Variants in NOS1AP observed in about 807,000 individuals in gnomAD.
The protein encoded by NOS1AP is nitric oxide synthase 1 adaptor protein.
A neutral mutation model predicts 56.2 loss-of-function variants in NOS1AP; 21 were observed. That is an observed-to-expected ratio of 0.37 (90% CI 0.26 to 0.54). The LOEUF is 0.54. NOS1AP is among the 20% of genes least tolerant of loss of function. NOS1AP has a pLI of 0.84. For missense variants in NOS1AP, 522 were observed against 657.8 expected (o/e 0.79, Z 2.26); for synonymous variants, 270 against 274.6 (o/e 0.98, Z 0.17).
chr1:162,363,912 C>T (rs944808835), intron 8 of NOS1AP: 18 of 985,326 alleles, frequency 1.8e-5, no homozygotes, highest in Admixed American at 1.2e-4. Context: ...GGCATTATGC[C>T]CCTGTGGCTC....
At chr1:162,294,538 A>G (rs189526802) in intron 3 of NOS1AP, among the ~76,000 whole-genome samples, 5 of 152,250 alleles carry the variant, frequency 3.3e-5, no homozygotes, top group Admixed American at 2.0e-4. Context: ...CACTCCAGAA[A>G]ATGTTTACTA....
rs957277520 is a variant in NOS1AP at position 162,130,721 on chromosome 1, C to A, written c.106-23684C>A. ...TTTTAAAACTTGACTCTGCAGTCAG[C>A]CAGGCAGATGACACATCAGTTTTAT... is the stretch of plus-strand genomic sequence containing the variant. On this transcript the variant is annotated intron_variant, in intron 1 of 9. Transcript: ENST00000361897. Among the ~76,000 whole-genome samples the A allele has an allele frequency of 2.0e-5, 3 of 152,260 alleles. No individual in the cohort carries two copies. In the South Asian group the frequency reaches 6.2e-4, roughly 32 times the overall value.
intron 4 of NOS1AP, among the ~76,000 whole-genome samples, chr1:162,312,815 G>C (rs938638795): frequency 2.6e-5 from 4 of 151,896 alleles, no homozygotes; most frequent in Non-Finnish European, 4.4e-5. Context: ...GGGATGCAAG[G>C]CTGGTTCAAT....
intron 2 of NOS1AP, among the ~76,000 whole-genome samples, chr1:162,271,017 C>T (rs566647266): frequency 2.0e-5 from 3 of 152,136 alleles, no homozygotes; most frequent in African/African-American, 4.8e-5. Flanking sequence ...GGCTGCTTTG[C>T]GTCAGTTGGT....
At chr1:162,212,894 T>C (rs960969663) in intron 2 of NOS1AP, among the ~76,000 whole-genome samples, 2 of 152,102 alleles carry the variant, frequency 1.3e-5, no homozygotes, top group African/African-American at 2.4e-5. Flanking sequence ...CGGCGGACCA[T>C]GTCAACAAGT....
intron 5 of NOS1AP, among the ~76,000 whole-genome samples, chr1:162,342,049 G>A (rs142037393): frequency 1.3e-5 from 2 of 152,330 alleles, no homozygotes; most frequent in African/African-American, 4.8e-5. Flanking sequence ...CAAGCCTATG[G>A]TATGAGAAGG....
chr1:162,296,113 C>T (rs1352357235), intron 3 of NOS1AP, among the ~76,000 whole-genome samples: 1 of 152,008 alleles, frequency 6.6e-6, no homozygotes, highest in Non-Finnish European at 1.5e-5. Context: ...ATGGTGAAAC[C>T]CCATCTCTAC....
chr1:162,108,829 T>C (rs1221771733), intron 1 of NOS1AP, among the ~76,000 whole-genome samples: 1 of 152,260 alleles, frequency 6.6e-6, no homozygotes, highest in African/African-American at 2.4e-5. Context: ...GGAGTTTCAA[T>C]AGTTGCCAAT....
chr1:162,242,499 A>G (rs1191221674), intron 2 of NOS1AP, among the ~76,000 whole-genome samples: 1 of 152,146 alleles, frequency 6.6e-6, no homozygotes, highest in Non-Finnish European at 1.5e-5. Context: ...CTCCCAGTTG[A>G]TGGCCAGCAT....
intron 2 of NOS1AP, among the ~76,000 whole-genome samples, chr1:162,162,518 A>G (rs577195812): frequency 6.6e-6 from 1 of 152,326 alleles, no homozygotes; most frequent in East Asian, 1.9e-4. Flanking sequence ...CCTGGCTGTC[A>G]AATTTCTGAG....
chr1:162,086,510 A>C (rs1344674913), intron 1 of NOS1AP, among the ~76,000 whole-genome samples: 1 of 152,142 alleles, frequency 6.6e-6, no homozygotes, highest in East Asian at 1.9e-4. Context: ...TTGAATTTCC[A>C]GAGCTTAGCA....
intron 4 of NOS1AP, among the ~76,000 whole-genome samples, chr1:162,313,387 A>C (rs1656117173): frequency 6.6e-6 from 1 of 152,204 alleles, no homozygotes; most frequent in Non-Finnish European, 1.5e-5. Context: ...CTCCATATGC[A>C]AATATATTGA....
intron 1 of NOS1AP, among the ~76,000 whole-genome samples, chr1:162,095,862 C>T (rs761495074): frequency 2.0e-5 from 3 of 152,116 alleles, no homozygotes; most frequent in Non-Finnish European, 4.4e-5. Flanking sequence ...GATTAAATAA[C>T]GTGAATAAAC....
At chr1:162,075,020 A>C (rs1366496727) in intron 1 of NOS1AP, among the ~76,000 whole-genome samples, 1 of 152,218 alleles carries the variant, frequency 6.6e-6, no homozygotes, top group African/African-American at 2.4e-5. Flanking sequence ...GGGAAGAGAC[A>C]TAAGCCCTAC....
Position 162,188,715 on chromosome 1 carries a change from T to C in NOS1AP, c.177+34239T>C, listed in dbSNP as rs2102152973. ...TGAGTTTTGTTGAATGATAACAGTGTAATAAATGTCTCTATTTTTATTTTC... is the reference window on the plus strand; with the variant it reads ...TGAGTTTTGTTGAATGATAACAGTGCAATAAATGTCTCTATTTTTATTTTC... On this transcript the variant is annotated intron_variant, in intron 2 of 9. Transcript: ENST00000361897. The surrounding 1 kb of genome is among the most constrained non-coding windows in gnomAD (Gnocchi z 4.0). 6.6e-6 allele frequency among the ~76,000 whole-genome samples: 1 copy of C among 152,332 alleles called. No homozygotes were observed.
chr1:162,134,494 A>C (rs1648898740), intron 1 of NOS1AP, among the ~76,000 whole-genome samples: 1 of 151,620 alleles, frequency 6.6e-6, no homozygotes, highest in Non-Finnish European at 1.5e-5. Flanking sequence ...CTAAAAAAAA[A>C]AAAAAAAAAA....
intron 4 of NOS1AP, among the ~76,000 whole-genome samples, chr1:162,314,078 C>T (rs145941903): frequency 3.1e-4 from 47 of 152,262 alleles, no homozygotes; most frequent in African/African-American, 1.1e-3. Flanking sequence ...TTGTTTGCTG[C>T]ACTAAAATAT....
chr1:162,307,129 T>C (rs1655859884), intron 4 of NOS1AP, among the ~76,000 whole-genome samples: 1 of 152,210 alleles, frequency 6.6e-6, no homozygotes, highest in South Asian at 2.1e-4. Context: ...AAGGGCATGC[T>C]TCCTAGAAAA....
At chr1:162,273,810 C>T (rs149388764) in intron 2 of NOS1AP, among the ~76,000 whole-genome samples, 24 of 152,242 alleles carry the variant, frequency 1.6e-4, no homozygotes, top group African/African-American at 5.5e-4. Context: ...GTAGTTCATT[C>T]CTTTTTATTT....
Sources: allele counts gnomAD v4.1 joint callset (sites outside exome capture counted in the v4.1 genomes callset), GRCh38; gene constraint gnomAD v4.1.1; non-coding constraint Gnocchi (gnomAD v3.1); transcripts MANE v1.5; gene names NCBI Gene and HGNC (gene_info 2026-07-23, HGNC 2026-07-21).